Variants in NAP1L3 observed in about 807,000 individuals in gnomAD.
NAP1L3 encodes the protein nucleosome assembly protein 1 like 3, also known as nucleosome assembly protein 1-like 3.
For missense variants in NAP1L3, 378 were observed against 369.9 expected, an observed-to-expected ratio of 1.02 and a Z score of -0.18; for synonymous variants, 127 against 131.9, an observed-to-expected ratio of 0.96 and a Z score of 0.25.
Position 93,673,102 on chromosome X carries a change from G to C in NAP1L3, c.203C>G (p.Thr68Ser), listed in dbSNP as rs1029296098. Residue 68 changes from threonine to serine, a missense_variant, in exon 1 of 1, where the codon ACT becomes AGT. Physicochemically the swap from Thr to Ser is moderately conservative, Grantham distance 58 (BLOSUM62 1). Coordinates refer to ENST00000373079, the MANE Select transcript of NAP1L3 (RefSeq NM_004538.6). The part of the protein sequence containing the change: ...SGSSSSSSGS[T>S]SSRSRLYRKK... ...TCTATACAAGCGGCTGCGGCTGCTA[G>C]TGCTGCCGCTGCTGCTGCTGCTGCT... 6 of 1,206,446 alleles carry C rather than the reference G, an allele frequency of 5.0e-6. No individual in the cohort carries two copies. The highest frequency in any genetic ancestry group is 5.6e-6 in the Non-Finnish European group (5 of 893,405).
rs1410550662 is a variant in NAP1L3 at position 93,673,127 on chromosome X, T to C, written c.178A>G (p.Ser60Gly). The C allele has an allele frequency of 8.4e-6, 10 of 1,191,455 alleles. No individual in the cohort carries two copies. The African/African-American group carries it at 8.8e-5, about 11-fold the overall frequency. The change falls in exon 1 of 1, where the codon AGC (serine) becomes GGC (glycine). Residue 60 changes from serine to glycine, a missense_variant. By Grantham distance (56) the Ser-to-Gly change is moderately conservative. Transcript: ENST00000373079. ...STSGSSSGSGSSSSSSGSTSS... is the reference protein window; with the variant it reads ...STSGSSSGSGGSSSSSGSTSS... ...GTGCTGCCGCTGCTGCTGCTGCTGC[T>C]GCCGCTGCCGCTGCTGCTGCCACTA...
chrX:93,673,565 G>T lies in NAP1L3; in HGVS notation c.-261C>A. The T allele has an allele frequency of 2.7e-6, 1 of 366,729 alleles. No homozygotes were observed. The highest frequency in any genetic ancestry group is 4.8e-6 in the Non-Finnish European group (1 of 209,473). 30.2% of individuals were successfully genotyped at this position (366,729 alleles called of 1,213,427 possible). ...TAGAGTGCCGAGATGTACCGCAGCC[G>T]AATGGCGCAGTATGAGACCCCGAGA... On this transcript the variant is annotated 5_prime_UTR_variant, in exon 1 of 1. Transcript: ENST00000373079.
Position 93,672,241 on chromosome X carries a change from C to T in NAP1L3, c.1064G>A (p.Ser355Asn). Residue 355 changes from serine to asparagine, a missense_variant, in exon 1 of 1, where the codon AGT (serine) becomes AAT (asparagine). By Grantham distance (46) the Ser-to-Asn change is conservative. Transcript: ENST00000373079. ...LKFSKPGQPVSYTFEFHFLPN... is the reference protein window; with the variant it reads ...LKFSKPGQPVNYTFEFHFLPN... ...TAGAAAATGAAATTCAAAGGTGTAA[C>T]TTACAGGCTGGCCAGGTTTTGAGAA... The T allele has an allele frequency of 8.3e-7, 1 of 1,211,747 alleles. No homozygotes were observed. Among genetic ancestry groups the T allele is most frequent in the African/African-American group, 1.7e-5 (1 of 57,784 alleles).
At position 93,673,490 on chromosome X, in the gene NAP1L3, G is replaced by T; in HGVS notation, c.-186C>A. The T allele has an allele frequency of 2.7e-6, 2 of 729,830 alleles. No homozygotes were observed. The highest frequency in any genetic ancestry group is 2.2e-5 in the African/African-American group (1 of 45,759). The allele number at this position is 729,830 out of a possible 1,213,427, so 60.1% of individuals were successfully genotyped here. On this transcript the variant is annotated 5_prime_UTR_variant, in exon 1 of 1. In the 5' UTR this introduces an upstream ATG that the reference lacks. Transcript: ENST00000373079. ...GGCCGGCGCTGAGGTGGCAGCGGCAGTGGAGGCTTGGGCGACAGCGGTGGC... is the reference window on the plus strand; with the variant it reads ...GGCCGGCGCTGAGGTGGCAGCGGCATTGGAGGCTTGGGCGACAGCGGTGGC...
rs1293387165 is a variant in NAP1L3 at position 93,671,759 on chromosome X, T to A, written c.*25A>T. 1 of 1,168,122 alleles carries A rather than the reference T, an allele frequency of 8.6e-7. No homozygotes were observed. Among genetic ancestry groups the A allele is most frequent in the East Asian group, 3.0e-5 (1 of 33,524 alleles). On this transcript the variant is annotated 3_prime_UTR_variant, in exon 1 of 1. Transcript: ENST00000373079. ...TGCTTCACTTCTTGAGATTTTAAGA[T>A]TCTTGAAAAATCTTTCAGATTGACT...
At position 93,671,801 on chromosome X, in the gene NAP1L3, T is replaced by G; in HGVS notation, c.1504A>C (p.Lys502Gln). ...AGATTGACTTATTTTCTGTATTTCT[T>G]GTTTCCATAATGTTTGCCAAATTGA... is the stretch of plus-strand genomic sequence containing the variant. ...YYQFGKHYGN[K>Q]KYRK The change falls in exon 1 of 1, where the codon AAG becomes CAG. Residue 502 changes from lysine to glutamine, a missense_variant. Transcript: ENST00000373079. 2 of 1,191,946 alleles carry G rather than the reference T, an allele frequency of 1.7e-6. No homozygotes were observed. Among genetic ancestry groups the G allele is most frequent in the East Asian group, 5.9e-5 (2 of 33,623 alleles).
Position 93,672,564 on chromosome X carries a change from T to G in NAP1L3, c.741A>C (p.Glu247Asp). ...DSKDCMEATP[E>D]VKEDPKEVPQ... ...GGACTTCTTTAGGATCTTCTTTTAC[T>G]TCAGGGGTTGCCTCCATACAGTCTT... is the stretch of plus-strand genomic sequence containing the variant. The change falls in exon 1 of 1, where the codon GAA becomes GAC. Residue 247 changes from glutamate (E) to aspartate (D), a missense_variant. Coordinates refer to ENST00000373079, the MANE Select transcript of NAP1L3 (RefSeq NM_004538.6). The G allele has an allele frequency of 1.7e-6, 2 of 1,211,735 alleles. No homozygotes were observed. Among genetic ancestry groups the G allele is most frequent in the Non-Finnish European group, 2.2e-6 (2 of 895,550 alleles).
In NAP1L3 at chrX:93,671,655, C is replaced by A; in HGVS notation, c.*129G>T. ...TTTTAAAATATAGACTACCAAGAAA[C>A]CACAAAAACTTGACTATAAGGAATA... On this transcript the variant is annotated 3_prime_UTR_variant, in exon 1 of 1. Coordinates refer to ENST00000373079, the MANE Select transcript of NAP1L3 (RefSeq NM_004538.6). 1 of 1,018,143 alleles carries A rather than the reference C, an allele frequency of 9.8e-7. No homozygotes were observed. The highest frequency in any genetic ancestry group is 1.3e-6 in the Non-Finnish European group (1 of 786,250). 83.9% of individuals were successfully genotyped at this position (1,018,143 alleles called of 1,213,427 possible).
rs566146584 is a variant in NAP1L3 at position 93,673,438 on chromosome X, G to C, written c.-134C>G. On this transcript the variant is annotated 5_prime_UTR_variant, in exon 1 of 1. Transcript: ENST00000373079. Reference sequence around the variant, plus strand: ...CAGCGGCGATGGCAGCAGCGGCGCAGAGCGGAGCTGGAGCTGGGGATGCAG... The same window carrying C: ...CAGCGGCGATGGCAGCAGCGGCGCACAGCGGAGCTGGAGCTGGGGATGCAG... 3 of 1,024,190 alleles carry C rather than the reference G, an allele frequency of 2.9e-6. No individual in the cohort carries two copies. In the South Asian group the frequency reaches 7.7e-5, roughly 26 times the overall value. 84.4% of individuals were successfully genotyped at this position (1,024,190 alleles called of 1,213,427 possible).
At position 93,673,299 on chromosome X, in the gene NAP1L3, T is replaced by C. The variant is rs1924452118; in HGVS notation, c.6A>G (p.Ala2=). 3.4e-6 allele frequency: 4 copies of C among 1,183,989 alleles called. No homozygotes were observed. Among genetic ancestry groups the C allele is most frequent in the Non-Finnish European group, 4.5e-6 (4 of 879,919 alleles). Residue 2 remains alanine (A), a synonymous_variant, in exon 1 of 1, where the codon GCA becomes GCG. Transcript: ENST00000373079. The part of the protein sequence containing the change: M[A]EADFKMVSEP... ...CCGAGACCATTTTAAAATCTGCTTC[T>C]GCCATCTTGCAAGCCTACAAACTCT...
Position 93,671,608 on chromosome X carries a change from C to A in NAP1L3, c.*176G>T. ...ACAGCCTAGATAGAATAAACTGGCA[C>A]TTAGACACTTTTTAGGACTATTTTT... On this transcript the variant is annotated 3_prime_UTR_variant, in exon 1 of 1. Transcript: ENST00000373079. 1.4e-6 allele frequency: 1 copy of A among 718,861 alleles called. No homozygotes were observed. Among genetic ancestry groups the A allele is most frequent in the Non-Finnish European group, 1.9e-6 (1 of 521,932 alleles). The allele number at this position is 718,861 out of a possible 1,213,427, so 59.2% of individuals were successfully genotyped here. A position where few individuals can be genotyped will look rare whatever the true frequency, so the allele number is the denominator to read the frequency against.
rs1468766627 is a variant in NAP1L3, at chrX:93,673,307, T to C, written c.-3A>G. The stretch of plus-strand genomic sequence containing the variant: ...ATTTTAAAATCTGCTTCTGCCATCT[T>C]GCAAGCCTACAAACTCTACCAGGGA... On this transcript the variant is annotated 5_prime_UTR_variant, in exon 1 of 1. Transcript: ENST00000373079. The C allele has an allele frequency of 8.5e-7, 1 of 1,181,033 alleles. No individual in the cohort carries two copies. Among genetic ancestry groups the C allele is most frequent in the Non-Finnish European group, 1.1e-6 (1 of 878,451 alleles).
rs1924399155 is a variant in NAP1L3 at position 93,672,567 on chromosome X, A to G, written c.738T>C (p.Pro246=). Reference sequence around the variant, plus strand: ...CTTCTTTAGGATCTTCTTTTACTTCAGGGGTTGCCTCCATACAGTCTTTAG... The same window carrying G: ...CTTCTTTAGGATCTTCTTTTACTTCGGGGGTTGCCTCCATACAGTCTTTAG... ...ADSKDCMEAT[P]EVKEDPKEVP... The change falls in exon 1 of 1, where the codon CCT becomes CCC. Residue 246 remains proline (P), a synonymous_variant. Coordinates refer to ENST00000373079, the MANE Select transcript of NAP1L3 (RefSeq NM_004538.6). 3 of 1,211,231 alleles carry G rather than the reference A, an allele frequency of 2.5e-6. No individual in the cohort carries two copies. Among genetic ancestry groups the G allele is most frequent in the Non-Finnish European group, 3.4e-6 (3 of 895,397 alleles).
chrX:93,673,479 T>A lies in NAP1L3; in HGVS notation c.-175A>T. 1 of 813,301 alleles carries A rather than the reference T, an allele frequency of 1.2e-6. No individual in the cohort carries two copies. The highest frequency in any genetic ancestry group is 1.7e-6 in the Non-Finnish European group (1 of 595,943). 67.0% of individuals were successfully genotyped at this position (813,301 alleles called of 1,213,427 possible). A position where few individuals can be genotyped will look rare whatever the true frequency, so the allele number is the denominator to read the frequency against. ...GGGGATGCAGAGGCCGGCGCTGAGG[T>A]GGCAGCGGCAGTGGAGGCTTGGGCG... is the stretch of plus-strand genomic sequence containing the variant. On this transcript the variant is annotated 5_prime_UTR_variant, in exon 1 of 1. Coordinates refer to ENST00000373079, the MANE Select transcript of NAP1L3 (RefSeq NM_004538.6).
rs1413313797 is a variant in NAP1L3 at position 93,671,976 on chromosome X, A to G, written c.1329T>C (p.Phe443=). 1 of 1,205,270 alleles carries G rather than the reference A, an allele frequency of 8.3e-7. No individual in the cohort carries two copies. The highest frequency in any genetic ancestry group is 3.0e-5 in the East Asian group (1 of 33,699). ...CAATCATAGGAATCTCAGGAGGACT[A>G]AAGAAGTTGAAGAATGATGCATTAG... ...VVPNASFFNF[F]SPPEIPMIGK... The change falls in exon 1 of 1, where the codon TTT becomes TTC. Residue 443 remains phenylalanine, a synonymous_variant. Transcript: ENST00000373079.
rs1478585606 is a variant in NAP1L3, at chrX:93,672,366, G to C, written c.939C>G (p.Asp313Glu). The change falls in exon 1 of 1, where the codon GAC (aspartate) becomes GAG (glutamate). Residue 313 changes from aspartate to glutamate, a missense_variant. Asp to Glu is a conservative substitution (Grantham distance 45). Transcript: ENST00000373079. ...CATTCTTTAAAACAATCAGCCAATA[G>C]TCAGGAATGCCTTTAGGGTCTTCTC... ...PKREDPKGIP[D>E]YWLIVLKNVD... 2 of 1,211,400 alleles carry C rather than the reference G, an allele frequency of 1.7e-6. No individual in the cohort carries two copies. The highest frequency in any genetic ancestry group is 2.3e-4 in the Middle Eastern group (1 of 4,355).
At position 93,671,595 on chromosome X, in the gene NAP1L3, G is replaced by T; in HGVS notation, c.*189C>A. The T allele has an allele frequency of 1.7e-6, 1 of 594,604 alleles. No homozygotes were observed. The highest frequency in any genetic ancestry group is 2.4e-6 in the Non-Finnish European group (1 of 409,470). 49.0% of individuals were successfully genotyped at this position (594,604 alleles called of 1,213,427 possible). A position where few individuals can be genotyped will look rare whatever the true frequency, so the allele number is the denominator to read the frequency against. On this transcript the variant is annotated 3_prime_UTR_variant, in exon 1 of 1. Coordinates refer to ENST00000373079, the MANE Select transcript of NAP1L3 (RefSeq NM_004538.6). ...ATATTATACTACAACAGCCTAGATAGAATAAACTGGCACTTAGACACTTTT... is the reference window on the plus strand; with the variant it reads ...ATATTATACTACAACAGCCTAGATATAATAAACTGGCACTTAGACACTTTT...
chrX:93,673,449 G>T lies in NAP1L3; in HGVS notation c.-145C>A. ...GCAGCAGCGGCGCAGAGCGGAGCTGGAGCTGGGGATGCAGAGGCCGGCGCT... is the reference window on the plus strand; with the variant it reads ...GCAGCAGCGGCGCAGAGCGGAGCTGTAGCTGGGGATGCAGAGGCCGGCGCT... On this transcript the variant is annotated 5_prime_UTR_variant, in exon 1 of 1. Coordinates refer to ENST00000373079, the MANE Select transcript of NAP1L3 (RefSeq NM_004538.6). 1 of 993,905 alleles carries T rather than the reference G, an allele frequency of 1.0e-6. No individual in the cohort carries two copies. Among genetic ancestry groups the T allele is most frequent in the South Asian group, 2.7e-5 (1 of 36,408 alleles). 81.9% of individuals were successfully genotyped at this position (993,905 alleles called of 1,213,427 possible).
At position 93,673,181 on chromosome X, in the gene NAP1L3, T is replaced by C. The variant is rs1381740226; in HGVS notation, c.124A>G (p.Thr42Ala). ...ESDSSSSSSS[T>A]SDSSSSSSTS... ...CTGCTGCTGCTGCTGCTGTCACTAG[T>C]GCTGCTGCTAGAGCTACTGCTGTCA... The change falls in exon 1 of 1, where the codon ACT (threonine) becomes GCT (alanine). Residue 42 changes from threonine (T) to alanine (A), a missense_variant. Physicochemically the swap from Thr to Ala is moderately conservative, Grantham distance 58. Transcript: ENST00000373079. The C allele has an allele frequency of 1.7e-6, 2 of 1,209,725 alleles. No individual in the cohort carries two copies. The highest frequency in any genetic ancestry group is 2.2e-6 in the Non-Finnish European group (2 of 895,150).
Sources: allele counts gnomAD v4.1 joint callset, GRCh38; gene constraint gnomAD v4.1.1; transcripts MANE v1.5; gene names NCBI Gene and HGNC (gene_info 2026-07-23, HGNC 2026-07-21).